Variants in NLRP2 observed in about 807,000 individuals in gnomAD.
The protein encoded by NLRP2 is NACHT, LRR and PYD domains-containing protein 2.
A neutral mutation model predicts 97.2 loss-of-function variants in NLRP2; 107 were observed. That is an observed-to-expected ratio of 1.10 (90% CI 0.94 to 1.29). The LOEUF is 1.29. Among genes scored for constraint, NLRP2 ranks in the 50% most tolerant of loss-of-function variants. The pLI is 0.00. For synonymous variants in NLRP2, 663 were observed against 551.5 expected, an observed-to-expected ratio of 1.20 and a Z score of -2.83; for missense variants, 1,495 against 1,330.3, an observed-to-expected ratio of 1.12 and a Z score of -1.93.
At chr19:54,981,526 C>CCCCCCCCCCCCCCCCCCCT in intron 4 of NLRP2, 91 bp from the exon 5 acceptor site, 1 of 541,836 alleles carries the variant, frequency 1.8e-6, no homozygotes, top group Non-Finnish European at 3.6e-6. Flanking sequence ...CTCCCCCCCG[C>CCCCCCCCCCCCCCCCCCCT]CCCATCAGCC....
intron 11 of NLRP2, among the ~76,000 whole-genome samples, chr19:54,995,121 C>T (rs1400787933): frequency 7.7e-6 from 1 of 130,308 alleles, no homozygotes; most frequent in African/African-American, 3.0e-5. Flanking sequence ...CAAGACCAGC[C>T]TGGCCAACTT....
At chr19:54,985,699 GAAAAA>G (rs1257493558) in intron 7 of NLRP2, among the ~76,000 whole-genome samples, 1 of 126,140 alleles carries the variant, frequency 7.9e-6, no homozygotes, top group East Asian at 2.6e-4. Flanking sequence ...AAAAAAAAAA[GAAAAA>G]GAAAAAAAGG....
At chr19:54,992,031 C>G (rs2072509451) in intron 10 of NLRP2, among the ~76,000 whole-genome samples, 1 of 150,432 alleles carries the variant, frequency 6.6e-6, no homozygotes, top group African/African-American at 2.4e-5. Context: ...ATTCTCCTGC[C>G]TCAGCCTCCT....
chr19:54,983,752 GTCGTTCCATCTTTA>G (rs1302126326), intron 6 of NLRP2, 24 bp downstream of exon 6: 1 of 1,604,634 alleles, frequency 6.2e-7, no homozygotes, highest in East Asian at 2.2e-5. Flanking sequence ...CACTCTACCA[GTCGTTCCATCTTTA>G]GCCTCATCCC....
At chr19:54,990,925 T>C in intron 10 of NLRP2, 2 of 547,476 alleles carry the variant, frequency 3.7e-6, no homozygotes, top group Admixed American at 3.1e-5. Context: ...TTTATGTATG[T>C]ATGTATTTTA....
intron 4 of NLRP2, among the ~76,000 whole-genome samples, chr19:54,978,187 C>T (rs1428100696): frequency 6.6e-6 from 1 of 151,810 alleles, no homozygotes; most frequent in African/African-American, 2.4e-5. Flanking sequence ...CCTGACTCAG[C>T]CTCCTGAGTA....
At position 54,990,211 on chromosome 19, in the gene NLRP2, A is replaced by C. The variant is rs1654495; in HGVS notation, c.2537+19A>C. On this transcript the variant is annotated intron_variant, in intron 9 of 12. Transcript: ENST00000448584. ...GGTTGTCGTAAGTCTCTCCTCTCTTACAGAGCAGCTGTGCTTTCGATCTGG... is the reference window on the plus strand; with the variant it reads ...GGTTGTCGTAAGTCTCTCCTCTCTTCCAGAGCAGCTGTGCTTTCGATCTGG... 683,042 of 1,612,218 alleles carry C rather than the reference A, an allele frequency of 0.42. 147,512 individuals carry two copies. Among genetic ancestry groups the C allele is most frequent in the Middle Eastern group, 0.46 (2,804 of 6,062 alleles).
chr19:54,994,851 C>T (rs1302941154), intron 11 of NLRP2, among the ~76,000 whole-genome samples: 3 of 151,524 alleles, frequency 2.0e-5, no homozygotes, highest in African/African-American at 4.8e-5. Flanking sequence ...TCAGGTGATC[C>T]GCCCATCTCG....
chr19:54,984,329 G>GTGTTTTTTTT, intron 6 of NLRP2, among the ~76,000 whole-genome samples: 8 of 79,676 alleles, frequency 1.0e-4, no homozygotes, highest in African/African-American at 3.7e-4. Context: ...TTTTTTTTGT[G>GTGTTTTTTTT]TTTTTTTTTT....
In NLRP2 at chr19:54,983,311, T is replaced by C. The variant is rs1485746664; in HGVS notation, c.1613T>C (p.Leu538Pro). ...HTWDIGDVQK[L>P]LSGVERLRNP... ...TGGGACATTGGGGACGTACAGAAGC[T>C]GCTTTCCGGAGTAGAAAGACTCAGG... The change falls in exon 6 of 13, where the codon CTG becomes CCG. Residue 538 changes from leucine to proline, a missense_variant. Leu to Pro is a moderately conservative substitution (Grantham distance 98). Coordinates refer to ENST00000448584, the MANE Select transcript of NLRP2 (RefSeq NM_017852.5). The C allele has an allele frequency of 1.9e-6, 3 of 1,614,068 alleles. No individual in the cohort carries two copies. Among genetic ancestry groups the C allele is most frequent in the Non-Finnish European group, 2.5e-6 (3 of 1,180,024 alleles).
Position 54,985,040 on chromosome 19 carries a change from C to T in NLRP2, c.2031-7C>T. On this transcript the variant is annotated splice_region_variant and splice_polypyrimidine_tract_variant and intron_variant, in intron 6 of 12. Transcript: ENST00000448584. ...TTTGGTGTAACCCTTTCTTCTCTTCCCTATAGATCCCAGGATGATCAGCAC... is the reference window on the plus strand; with the variant it reads ...TTTGGTGTAACCCTTTCTTCTCTTCTCTATAGATCCCAGGATGATCAGCAC... The T allele has an allele frequency of 6.2e-7, 1 of 1,613,880 alleles. No individual in the cohort carries two copies. The highest frequency in any genetic ancestry group is 8.5e-7 in the Non-Finnish European group (1 of 1,179,952).
chr19:54,983,441 C>T lies in NLRP2; in HGVS notation c.1743C>T (p.Ile581=). Residue 581 remains isoleucine, a synonymous_variant, in exon 6 of 13, where the codon ATC becomes ATT. Coordinates refer to ENST00000448584, the MANE Select transcript of NLRP2 (RefSeq NM_017852.5). ...ATFGCRMSPD[I]KQELLRCDIS... Reference sequence around the variant, plus strand: ...TTGGCTGCCGGATGTCACCGGACATCAAACAGGAATTGCTGCGATGCGACA... The same window carrying T: ...TTGGCTGCCGGATGTCACCGGACATTAAACAGGAATTGCTGCGATGCGACA... 2 of 1,614,194 alleles carry T rather than the reference C, an allele frequency of 1.2e-6. No homozygotes were observed. Among genetic ancestry groups the T allele is most frequent in the Non-Finnish European group, 1.7e-6 (2 of 1,180,048 alleles).
intron 11 of NLRP2, 43 bp downstream of exon 11, chr19:54,994,482 C>A (rs1386072704): frequency 2.5e-6 from 4 of 1,597,720 alleles, no homozygotes; most frequent in Middle Eastern, 2.3e-4. Flanking sequence ...TTACACCTTA[C>A]TGAATCTGTG....
In NLRP2 at chr19:54,985,115, A is replaced by T. The variant is rs764799542; in HGVS notation, c.2099A>T (p.Asp700Val). The T allele has an allele frequency of 6.5e-5, 105 of 1,614,116 alleles. 1 individual carries two copies. In the South Asian group the frequency reaches 1.1e-3, roughly 17 times the overall value. The change falls in exon 7 of 13, where the codon GAT becomes GTT. Residue 700 changes from aspartate to valine, a missense_variant. Asp to Val is a radical substitution (Grantham distance 152, BLOSUM62 -3). Coordinates refer to ENST00000448584, the MANE Select transcript of NLRP2 (RefSeq NM_017852.5). ...TGTTCCATATTTGGATCAAATAAGG[A>T]TCTGATGGGTCTAGCAATCAATGAT... Reference protein sequence around the residue: ...DLCSIFGSNKDLMGLAINDSF... With the variant: ...DLCSIFGSNKVLMGLAINDSF...
At position 54,969,477 on chromosome 19, in the gene NLRP2, C is replaced by CAA. The variant is rs757668995; in HGVS notation, c.-17-503_-17-502dup. On this transcript the variant is annotated intron_variant, in intron 1 of 12. Coordinates refer to ENST00000448584, the MANE Select transcript of NLRP2 (RefSeq NM_017852.5). Reference sequence around the variant, plus strand: ...AGGGTGACAAAGTGAGACTCCGTCTCAAAAAAAAAAAAAAAAAAAATACAA... The same window carrying CAA: ...AGGGTGACAAAGTGAGACTCCGTCTCAAAAAAAAAAAAAAAAAAAAAATACAA... 1.8e-3 allele frequency among the ~76,000 whole-genome samples: 168 copies of CAA among 94,594 alleles called. 1 individual carries two copies. Among genetic ancestry groups the CAA allele is most frequent in the African/African-American group, 5.3e-3 (129 of 24,150 alleles). 62.1% of individuals were successfully genotyped at this position (94,594 alleles called of 152,430 possible).
rs992973751 is a variant in NLRP2, at chr19:55,000,452, A to AT, written c.3051-301dup. Among the ~76,000 whole-genome samples the AT allele has an allele frequency of 3.9e-3, 592 of 150,532 alleles. 5 individuals carry two copies. The highest frequency in any genetic ancestry group is 0.014 in the African/African-American group (561 of 41,060). ...CCACCACGCCCGGCTAATTTTTTGT[A>AT]TTTTTTTAGTAGAGACAGGGTTTCA... On this transcript the variant is annotated intron_variant, in intron 12 of 12. Transcript: ENST00000448584.
At chr19:54,969,848 G>C (rs1451659003) in intron 1 of NLRP2, among the ~76,000 whole-genome samples, 151 bp from the exon 2 acceptor site, 1 of 152,102 alleles carries the variant, frequency 6.6e-6, no homozygotes. Flanking sequence ...TGGAGATGGG[G>C]GTCTCACTAT....
chr19:54,992,543 G>A lies in NLRP2; in HGVS notation c.2709-1726G>A, dbSNP rs1448984483. The stretch of plus-strand genomic sequence containing the variant: ...TGGTGTGTGTGGTATTTTTTTGGGG[G>A]GGGGGGGGTTTTCTTTTTTTTTTTT... On this transcript the variant is annotated intron_variant, in intron 10 of 12. Coordinates refer to ENST00000448584, the MANE Select transcript of NLRP2 (RefSeq NM_017852.5). Among the ~76,000 whole-genome samples the A allele has an allele frequency of 1.5e-4, 9 of 59,518 alleles. 1 individual carries two copies. The highest frequency in any genetic ancestry group is 3.6e-4 in the African/African-American group (7 of 19,416). 39.0% of individuals were successfully genotyped at this position (59,518 alleles called of 152,430 possible). A position where few individuals can be genotyped will look rare whatever the true frequency, so the allele number is the denominator to read the frequency against.
In NLRP2 at chr19:54,997,313, C is replaced by T. The variant is rs1402153925; in HGVS notation, c.2880-4C>T. On this transcript the variant is annotated splice_polypyrimidine_tract_variant and splice_region_variant and intron_variant, in intron 11 of 12. Coordinates refer to ENST00000448584, the MANE Select transcript of NLRP2 (RefSeq NM_017852.5). ...TTAACGTGTTGATTTCTGTGTTTCC[C>T]CAGGTTGTGGGGATGTTCCATCCCT... 6.2e-7 allele frequency: 1 copy of T among 1,613,346 alleles called. No individual in the cohort carries two copies. The highest frequency in any genetic ancestry group is 1.7e-5 in the Admixed American group (1 of 60,014).
Sources: gnomAD v4.1 joint callset for allele counts (sites outside exome capture counted in the v4.1 genomes callset) on GRCh38, gnomAD v4.1.1 for gene constraint, MANE v1.5 for transcripts, NCBI Gene and HGNC (gene_info 2026-07-23, HGNC 2026-07-21) for gene names.